Variants in MMP26 observed in about 807,000 individuals in gnomAD.
MMP26 encodes the protein matrix metallopeptidase 26.
In MMP26, 33 loss-of-function variants were observed where a neutral mutation model predicts 31.0. The observed-to-expected ratio is 1.06, with a 90% CI of 0.81 to 1.42. The LOEUF is 1.42. Among genes scored for constraint, MMP26 ranks in the 40% most tolerant of loss-of-function variants. The pLI is 0.00. For synonymous variants in MMP26, 122 were observed against 114.9 expected (o/e 1.06, Z -0.40); for missense variants, 347 against 316.1 (o/e 1.10, Z -0.74).
intron 2 of MMP26, among the ~76,000 whole-genome samples, chr11:4,871,420 G>T (rs1247977754): frequency 6.6e-6 from 1 of 152,072 alleles, no homozygotes; most frequent in Non-Finnish European, 1.5e-5. Flanking sequence ...AAGCACTAGG[G>T]TTTAATCGTA....
chr11:4,973,208 A>T, intron 2 of MMP26: 1 of 170,488 alleles, frequency 5.9e-6, no homozygotes, highest in Non-Finnish European at 1.3e-5. Context: ...TATGCTCAAC[A>T]CTGCTTTCAG....
chr11:4,986,584 G>A (rs1846893234), intron 2 of MMP26, among the ~76,000 whole-genome samples: 1 of 134,744 alleles, frequency 7.4e-6, no homozygotes, highest in Non-Finnish European at 1.5e-5. Context: ...AGGCTGGAGT[G>A]CAGTGGCATG....
chr11:4,748,412 A>G (rs1848406977), intron 1 of MMP26, among the ~76,000 whole-genome samples: 2 of 152,134 alleles, frequency 1.3e-5, no homozygotes, highest in African/African-American at 4.8e-5. Context: ...CCAAAAAATC[A>G]AGGAGGGGGG....
intron 2 of MMP26, among the ~76,000 whole-genome samples, chr11:4,979,726 G>T (rs1480954011): frequency 2.0e-5 from 3 of 152,104 alleles, no homozygotes; most frequent in African/African-American, 7.2e-5. Flanking sequence ...CTTGGAAAAT[G>T]ACTGTAGACT....
At chr11:4,902,656 A>G (rs1472161204) in intron 2 of MMP26, among the ~76,000 whole-genome samples, 6 of 152,326 alleles carry the variant, frequency 3.9e-5, no homozygotes, top group Non-Finnish European at 8.8e-5. Context: ...CTTATAATAA[A>G]ATGTTAAGTC....
At chr11:4,745,241 T>G (rs1328185970) in intron 1 of MMP26, among the ~76,000 whole-genome samples, 1 of 152,184 alleles carries the variant, frequency 6.6e-6, no homozygotes, top group Non-Finnish European at 1.5e-5. Flanking sequence ...CAGACAAAGA[T>G]CAAAACGAAT....
chr11:4,735,686 C>A (rs374708597), intron 1 of MMP26, among the ~76,000 whole-genome samples: 1 of 152,042 alleles, frequency 6.6e-6, no homozygotes, highest in Non-Finnish European at 1.5e-5. Flanking sequence ...TGTTTAGCAT[C>A]TCGCAATAGT....
rs144476465 is a variant in MMP26, at chr11:4,965,403, A to G, written c.-144-22665A>G. On this transcript the variant is annotated intron_variant, in intron 2 of 7. Transcript: ENST00000380390. ...TTGAACTAGGATTTCTAGATTAGGTACAGATATAAAAGTGGCTTTTAAATG... is the reference window on the plus strand; with the variant it reads ...TTGAACTAGGATTTCTAGATTAGGTGCAGATATAAAAGTGGCTTTTAAATG... 8.5e-3 allele frequency among the ~76,000 whole-genome samples: 1,293 copies of G among 152,320 alleles called. 41 individuals carry two copies. Among genetic ancestry groups the G allele is most frequent in the East Asian group, 0.034 (178 of 5,182 alleles).
Position 4,958,522 on chromosome 11 carries a change from ATATC to A in MMP26, c.-144-29536_-144-29533del, listed in dbSNP as rs569538309. On this transcript the variant is annotated intron_variant, in intron 2 of 7. Coordinates refer to ENST00000380390, the MANE Select transcript of MMP26 (RefSeq NM_021801.5). ...TGCCTTACTCTGCTTCTCTCTTTTC[ATATC>A]TATCTATCTGTCTATCTATCTATCA... Among the ~76,000 whole-genome samples the A allele has an allele frequency of 3.9e-4, 59 of 151,952 alleles. No homozygotes were observed. The East Asian group carries it at 5.0e-3, about 13-fold the overall frequency.
At chr11:4,963,611 C>T (rs915038583) in intron 2 of MMP26, among the ~76,000 whole-genome samples, 2 of 152,132 alleles carry the variant, frequency 1.3e-5, no homozygotes, top group Non-Finnish European at 2.9e-5. Flanking sequence ...TTTGTCCTTG[C>T]TTTTTATGAC....
At position 4,777,873 on chromosome 11, in the gene MMP26, A is replaced by G. The variant is rs74055009; in HGVS notation, c.-145+10532A>G. ...GTTGATGGATGTTGTTGTTTCTCCC[A>G]TTTTCTATTGTGAATAATTCTGCTA... On this transcript the variant is annotated intron_variant, in intron 2 of 7. Transcript: ENST00000380390. 8.8e-3 allele frequency among the ~76,000 whole-genome samples: 1,331 copies of G among 151,940 alleles called. 16 individuals carry two copies. The highest frequency in any genetic ancestry group is 0.031 in the African/African-American group (1,272 of 41,452).
At chr11:4,728,232 C>T (rs1848129056) in intron 1 of MMP26, among the ~76,000 whole-genome samples, 1 of 152,172 alleles carries the variant, frequency 6.6e-6, no homozygotes, top group Non-Finnish European at 1.5e-5. Context: ...CCTTGTTAAA[C>T]ATTATATTAT....
intron 2 of MMP26, chr11:4,877,817 C>A (rs1287976157): frequency 6.6e-6 from 1 of 151,878 alleles, no homozygotes; most frequent in African/African-American, 2.4e-5. Flanking sequence ...TTCATGAGAG[C>A]AATAATTTAT....
intron 1 of MMP26, among the ~76,000 whole-genome samples, chr11:4,746,914 T>A (rs1247475183): frequency 6.6e-6 from 1 of 151,798 alleles, no homozygotes; most frequent in Non-Finnish European, 1.5e-5. Context: ...TGGTCTCAGT[T>A]CTTAAGGCCA....
At chr11:4,782,659 G>A (rs1460731770) in intron 2 of MMP26, among the ~76,000 whole-genome samples, 1 of 152,172 alleles carries the variant, frequency 6.6e-6, no homozygotes, top group Non-Finnish European at 1.5e-5. Flanking sequence ...ATGTCTCCAG[G>A]GCATGTCAGA....
chr11:4,970,446 T>TC (rs1485841860), intron 2 of MMP26, among the ~76,000 whole-genome samples: 5 of 152,148 alleles, frequency 3.3e-5, no homozygotes, highest in African/African-American at 9.7e-5. Flanking sequence ...GTTAACCCTT[T>TC]CCCCCTCTTT....
chr11:4,749,370 G>T (rs1483041146), intron 1 of MMP26, among the ~76,000 whole-genome samples: 3 of 151,682 alleles, frequency 2.0e-5, no homozygotes, highest in Non-Finnish European at 4.4e-5. Context: ...AAAGCAATCT[G>T]CAGATTCAAT....
At chr11:4,856,073 C>G (rs1850047633) in intron 2 of MMP26, among the ~76,000 whole-genome samples, 1 of 152,122 alleles carries the variant, frequency 6.6e-6, no homozygotes, top group Non-Finnish European at 1.5e-5. Context: ...ACGAAGGAAG[C>G]ACTAAACATG....
At chr11:4,812,647 C>T (rs964373409) in intron 2 of MMP26, among the ~76,000 whole-genome samples, 1 of 152,304 alleles carries the variant, frequency 6.6e-6, no homozygotes, top group South Asian at 2.1e-4. Context: ...ATTTATTTCA[C>T]ACTCATTAAA....
Sources: gnomAD v4.1 joint callset for allele counts (sites outside exome capture counted in the v4.1 genomes callset) on GRCh38, gnomAD v4.1.1 for gene constraint, MANE v1.5 for transcripts, NCBI Gene and HGNC (gene_info 2026-07-23, HGNC 2026-07-21) for gene names.